The following PIK3C2G variants were observed in gnomAD, a reference collection of about 807,000 sequenced individuals.
The protein encoded by PIK3C2G is phosphatidylinositol 3-kinase C2 domain-containing subunit gamma.
PIK3C2G carries 168 observed loss-of-function variants against 181.1 expected under a neutral mutation model. The observed-to-expected ratio is 0.93, with a 90% CI of 0.82 to 1.05. PIK3C2G has a LOEUF of 1.05. PIK3C2G is among the 50% of genes least tolerant of loss of function. The pLI is 0.00. For missense variants in PIK3C2G, 1,869 were observed against 1,732.8 expected (o/e 1.08, Z -1.40); for synonymous variants, 573 against 592.2 (o/e 0.97, Z 0.47).
chr12:18,678,344 T>C, the PIK3C2G span, among the ~76,000 whole-genome samples: 1 of 152,206 alleles, frequency 6.6e-6, no homozygotes, highest in African/African-American at 2.4e-5. Context: ...TTTGAATTTT[T>C]TCAACTTTTT....
intron 19 of PIK3C2G, among the ~76,000 whole-genome samples, chr12:18,490,472 T>G (rs1940458075): frequency 6.6e-6 from 1 of 152,182 alleles, no homozygotes; most frequent in Non-Finnish European, 1.5e-5. Context: ...GTCTTTCTAA[T>G]TTACTCTAAC....
chr12:18,577,378 A>G (rs1025260785), intron 29 of PIK3C2G, among the ~76,000 whole-genome samples: 1 of 152,170 alleles, frequency 6.6e-6, no homozygotes, highest in Non-Finnish European at 1.5e-5. Context: ...CAAATGTGCT[A>G]ATTAAAGTAC....
chr12:18,606,462 C>G (rs973946361), intron 30 of PIK3C2G, among the ~76,000 whole-genome samples: 2 of 151,992 alleles, frequency 1.3e-5, no homozygotes, highest in African/African-American at 2.4e-5. Context: ...CTGTGTTAGT[C>G]TATATAGTCT....
At chr12:18,336,623 T>C (rs1235189120) in intron 8 of PIK3C2G, among the ~76,000 whole-genome samples, 2 of 152,172 alleles carry the variant, frequency 1.3e-5, no homozygotes, top group Admixed American at 6.5e-5. Context: ...CACACATAAG[T>C]GAAATAAATG....
intron 4 of PIK3C2G, among the ~76,000 whole-genome samples, chr12:18,293,320 A>G (rs1451228541): frequency 1.3e-5 from 2 of 152,152 alleles, no homozygotes; most frequent in Non-Finnish European, 2.9e-5. Flanking sequence ...TGAAAAATCT[A>G]TATTATTTCC....
the PIK3C2G span, among the ~76,000 whole-genome samples, chr12:18,722,408 T>C: frequency 6.6e-6 from 1 of 152,100 alleles, no homozygotes; most frequent in Non-Finnish European, 1.5e-5. Context: ...TATGAATGTA[T>C]GATCCAATGC....
At chr12:18,469,319 CT>C (rs1248726782) in intron 18 of PIK3C2G, among the ~76,000 whole-genome samples, 33 of 152,196 alleles carry the variant, frequency 2.2e-4, no homozygotes, top group African/African-American at 6.7e-4. Context: ...TGCAACAAAG[CT>C]TTCGACTCTG....
intron 5 of PIK3C2G, among the ~76,000 whole-genome samples, chr12:18,301,074 C>A (rs1950154431): frequency 6.6e-6 from 1 of 152,026 alleles, no homozygotes; most frequent in African/African-American, 2.4e-5. Flanking sequence ...GATAAATTTG[C>A]TGTTAGGCTG....
At chr12:18,325,898 G>A (rs1404939663) in intron 8 of PIK3C2G, among the ~76,000 whole-genome samples, 1 of 152,026 alleles carries the variant, frequency 6.6e-6, no homozygotes, top group Non-Finnish European at 1.5e-5. Flanking sequence ...CCAGTTTTAT[G>A]ATGTTCTACT....
chr12:18,430,617 G>A (rs188430970), intron 18 of PIK3C2G, among the ~76,000 whole-genome samples: 3 of 152,162 alleles, frequency 2.0e-5, no homozygotes, highest in African/African-American at 7.2e-5. Context: ...ATGTCGATAG[G>A]GGGTGGAGGA....
At chr12:18,450,911 C>A (rs1445450085) in intron 18 of PIK3C2G, among the ~76,000 whole-genome samples, 2 of 151,994 alleles carry the variant, frequency 1.3e-5, no homozygotes, top group East Asian at 3.9e-4. Flanking sequence ...ATTTCTGAGG[C>A]CACTGTTCTG....
At chr12:18,698,186 G>A in the PIK3C2G span, among the ~76,000 whole-genome samples, 2 of 151,648 alleles carry the variant, frequency 1.3e-5, no homozygotes, top group African/African-American at 4.9e-5. Flanking sequence ...TCACATGCAC[G>A]ATGCACAATT....
At chr12:18,698,242 C>CTTCTATTCTATTCTATTCTA in the PIK3C2G span, among the ~76,000 whole-genome samples, 9,959 of 145,434 alleles carry the variant, frequency 0.068, 409 homozygotes, top group Non-Finnish European at 0.078. Flanking sequence ...ATACACTTTT[C>CTTCTATTCTATTCTATTCTA]TTCTATTCTA....
intron 15 of PIK3C2G, among the ~76,000 whole-genome samples, chr12:18,396,127 T>C (rs1302996757): frequency 6.6e-6 from 1 of 151,664 alleles, no homozygotes; most frequent in East Asian, 1.9e-4. Context: ...AAAAGCAATA[T>C]ATAATTTTAT....
At chr12:18,632,333 A>T (rs1949384247) in intron 31 of PIK3C2G, among the ~76,000 whole-genome samples, 1 of 152,178 alleles carries the variant, frequency 6.6e-6, no homozygotes. Context: ...ATGGTATATT[A>T]TTTAATCTTT....
At chr12:18,717,182 A>T in the PIK3C2G span, among the ~76,000 whole-genome samples, 1 of 152,110 alleles carries the variant, frequency 6.6e-6, no homozygotes, top group East Asian at 1.9e-4. Flanking sequence ...GTAATGTAAA[A>T]GTAATTATAT....
intron 14 of PIK3C2G, among the ~76,000 whole-genome samples, chr12:18,390,902 A>G (rs1943492256): frequency 6.6e-6 from 1 of 152,120 alleles, no homozygotes; most frequent in Non-Finnish European, 1.5e-5. Context: ...TGACCCATCT[A>G]TACCATTTGT....
the PIK3C2G span, chr12:18,683,235 G>T: frequency 6.2e-7 from 1 of 1,610,794 alleles, no homozygotes; most frequent in Non-Finnish European, 8.5e-7. Context: ...TTTATCATTA[G>T]CTGTTATCTG....
At chr12:18,623,296 A>C (rs529440295) in intron 31 of PIK3C2G, among the ~76,000 whole-genome samples, 1 of 151,860 alleles carries the variant, frequency 6.6e-6, no homozygotes, top group Non-Finnish European at 1.5e-5. Flanking sequence ...TTAATTATAG[A>C]GGCTGTCCTT....
Sources: gnomAD v4.1 joint callset for allele counts (sites outside exome capture counted in the v4.1 genomes callset) on GRCh38, gnomAD v4.1.1 for gene constraint, MANE v1.5 for transcripts, NCBI Gene and HGNC (gene_info 2026-07-23, HGNC 2026-07-21) for gene names.